SMG6: variants seen among roughly 807,000 people sequenced by gnomAD.
SMG6 encodes SMG6 nonsense mediated mRNA decay factor, also known as telomerase-binding protein EST1A.
SMG6 carries 66 observed loss-of-function variants against 142.2 expected under a neutral mutation model. The observed-to-expected ratio is 0.46, with a 90% CI of 0.38 to 0.57. The LOEUF is 0.57. SMG6 is among the 20% of genes least tolerant of loss of function. The pLI is 0.00. For synonymous variants in SMG6, 779 were observed against 702.4 expected (o/e 1.11, Z -1.72); for missense variants, 1,793 against 1,832.0 (o/e 0.98, Z 0.39).
intron 18 of SMG6, among the ~76,000 whole-genome samples, chr17:2,063,877 G>C (rs2067859635): frequency 6.6e-6 from 1 of 152,208 alleles, no homozygotes; most frequent in Non-Finnish European, 1.5e-5. Flanking sequence ...CTACTGAGCT[G>C]CCGGGGACAG....
In SMG6 at chr17:2,144,070, T is replaced by TG. The variant is rs1477749386; in HGVS notation, c.3357+28587_3357+28588insC. ...GCCGCTTTTTTTTTTTTTTTTTTTT[T>TG]TTTTTGAGATGCAGTTTCACTCTTG... On this transcript the variant is annotated intron_variant, in intron 13 of 18. Transcript: ENST00000263073. Among the ~76,000 whole-genome samples, 316 of 145,392 alleles carry TG rather than the reference T, an allele frequency of 2.2e-3. 15 individuals are homozygous for TG. The South Asian group carries it at 0.072, about 33-fold the overall frequency.
At chr17:2,099,094 G>C (rs1449752029) in intron 13 of SMG6, among the ~76,000 whole-genome samples, 1 of 152,062 alleles carries the variant, frequency 6.6e-6, no homozygotes, top group East Asian at 1.9e-4. Flanking sequence ...TATTTAACAT[G>C]CACTATGGAT....
chr17:2,087,543 A>G, intron 13 of SMG6: 1 of 1,025,492 alleles, frequency 9.8e-7, no homozygotes, highest in Non-Finnish European at 1.2e-6. Context: ...GTTGATGTAG[A>G]AGGTTCTCGG....
chr17:2,153,109 G>A (rs903448754), intron 13 of SMG6, among the ~76,000 whole-genome samples: 12 of 152,204 alleles, frequency 7.9e-5, no homozygotes, highest in Admixed American at 7.2e-4. Flanking sequence ...CCAACCCGTG[G>A]CCCACGCAGC....
At position 2,299,690 on chromosome 17, in the gene SMG6, C is replaced by T. The variant is rs769944264; in HGVS notation, c.1063G>A (p.Asp355Asn). 57 of 1,614,060 alleles carry T rather than the reference C, an allele frequency of 3.5e-5. No individual in the cohort carries two copies. Among genetic ancestry groups the T allele is most frequent in the East Asian group, 1.1e-4 (5 of 44,894 alleles). ...EYRGTLRVTF[D>N]AEAMNKESPM... ...GACTCTTTGTTCATGGCTTCTGCATCGAAAGTGACACGAAGAGTGCCTCGA... is the reference window on the plus strand; with the variant it reads ...GACTCTTTGTTCATGGCTTCTGCATTGAAAGTGACACGAAGAGTGCCTCGA... Residue 355 changes from aspartate to asparagine, a missense_variant, in exon 2 of 19, where the codon GAT (aspartate) becomes AAT (asparagine). By Grantham distance (23) the Asp-to-Asn change is conservative (BLOSUM62 1). Transcript: ENST00000263073. This position sits in a 1 kb window ranked among gnomAD's most constrained non-coding sequence, Gnocchi z 4.3.
intron 13 of SMG6, among the ~76,000 whole-genome samples, chr17:2,112,331 C>T (rs1046226235): frequency 8.6e-5 from 13 of 151,316 alleles, no homozygotes; most frequent in Admixed American, 5.3e-4. Context: ...GGTGAAACCC[C>T]GTCTCTACTA....
chr17:2,279,804 C>T (rs1045729616), intron 8 of SMG6, among the ~76,000 whole-genome samples: 1 of 152,188 alleles, frequency 6.6e-6, no homozygotes, highest in African/African-American at 2.4e-5. Flanking sequence ...CTGAACTACT[C>T]GCAGTTCCTG....
intron 4 of SMG6, among the ~76,000 whole-genome samples, chr17:2,296,546 C>G (rs1431876762): frequency 6.6e-6 from 1 of 152,208 alleles, no homozygotes; most frequent in Non-Finnish European, 1.5e-5. Context: ...CCTGTCAGAT[C>G]AGCAGCGGTA....
chr17:2,166,827 G>T (rs9892751), intron 13 of SMG6, among the ~76,000 whole-genome samples: 5,377 of 152,190 alleles, frequency 0.035, 302 homozygotes, highest in African/African-American at 0.12. Context: ...AGCAAAGACA[G>T]ATATAAGGGG....
intron 15 of SMG6, among the ~76,000 whole-genome samples, chr17:2,074,873 A>G (rs2068213145): frequency 6.6e-6 from 1 of 152,208 alleles, no homozygotes; most frequent in South Asian, 2.1e-4. Context: ...GCTAAGCATG[A>G]CACCTTTGAG....
At chr17:2,137,338 G>A (rs1258040499) in intron 13 of SMG6, among the ~76,000 whole-genome samples, 2 of 152,134 alleles carry the variant, frequency 1.3e-5, no homozygotes, top group Non-Finnish European at 2.9e-5. Flanking sequence ...CAGCTCAAAA[G>A]AAACACACTA....
At position 2,085,604 on chromosome 17, in the gene SMG6, G is replaced by A; in HGVS notation, c.3534+121C>T. On this transcript the variant is annotated intron_variant, in intron 14 of 18. Transcript: ENST00000263073. This position sits in a 1 kb window ranked among gnomAD's most constrained non-coding sequence, Gnocchi z 4.1. ...GAGCACACTCTCGAGAAGCTGGCTG[G>A]TCACATTAACACAGACGCTGTTCTC... 3 of 1,026,592 alleles carry A rather than the reference G, an allele frequency of 2.9e-6. No homozygotes were observed. The highest frequency in any genetic ancestry group is 4.3e-6 in the Non-Finnish European group (3 of 699,366). The allele number at this position is 1,026,592 out of a possible 1,614,324, so 63.6% of individuals were successfully genotyped here.
chr17:2,296,495 T>C (rs1318646267), intron 4 of SMG6, among the ~76,000 whole-genome samples: 1 of 152,186 alleles, frequency 6.6e-6, no homozygotes. Flanking sequence ...GTCTCTGGTC[T>C]GAGCGGTGGG....
chr17:2,268,045 C>T (rs1458885432), intron 8 of SMG6, among the ~76,000 whole-genome samples: 1 of 152,028 alleles, frequency 6.6e-6, no homozygotes, highest in African/African-American at 2.4e-5. Context: ...CTGCACCCAG[C>T]CTTATTTATG....
chr17:2,271,088 C>G (rs1436200541), intron 8 of SMG6, among the ~76,000 whole-genome samples: 1 of 150,424 alleles, frequency 6.6e-6, no homozygotes, highest in Non-Finnish European at 1.5e-5. Context: ...TGCTTGAGTC[C>G]AGGAAATTGT....
chr17:2,062,643 G>C (rs2067816189), intron 18 of SMG6: 1 of 152,224 alleles, frequency 6.6e-6, no homozygotes, highest in Admixed American at 6.5e-5. Flanking sequence ...TTGGGTGGCA[G>C]GTCTACTCGT....
intron 10 of SMG6, among the ~76,000 whole-genome samples, chr17:2,205,014 T>C (rs2072635478): frequency 6.6e-6 from 1 of 152,152 alleles, no homozygotes; most frequent in African/African-American, 2.4e-5. Context: ...ACTGGTCAAT[T>C]TGTCAATACA....
intron 6 of SMG6, among the ~76,000 whole-genome samples, chr17:2,289,924 AT>A (rs981757907): frequency 1.5e-4 from 19 of 129,790 alleles, no homozygotes; most frequent in South Asian, 9.7e-4. Flanking sequence ...TCAAAAAAAA[AT>A]AATTATTATT....
chr17:2,117,925 G>T (rs964940570), intron 13 of SMG6, among the ~76,000 whole-genome samples: 2 of 149,044 alleles, frequency 1.3e-5, no homozygotes, highest in African/African-American at 5.2e-5. Context: ...AAAAGTTTTA[G>T]TTCTTATATT....
Sources: allele counts gnomAD v4.1 joint callset (sites outside exome capture counted in the v4.1 genomes callset), GRCh38; gene constraint gnomAD v4.1.1; non-coding constraint Gnocchi (gnomAD v3.1); transcripts MANE v1.5; gene names NCBI Gene and HGNC (gene_info 2026-07-23, HGNC 2026-07-21).